ATRN: variants seen among roughly 807,000 people sequenced by gnomAD.
ATRN encodes attractin-2.
Under a neutral mutation model 178.7 loss-of-function variants are expected in ATRN, and 54 were observed. The ratio of observed to expected loss-of-function variants is 0.30; its 90% CI spans 0.24 to 0.38. ATRN has a LOEUF of 0.38. Ranked by LOEUF, ATRN falls within the 10% of genes least tolerant of loss-of-function variation. The pLI is 1.00. For synonymous variants in ATRN, 636 were observed against 663.0 expected, an observed-to-expected ratio of 0.96 and a Z score of 0.63; for missense variants, 1,443 against 1,815.1, an observed-to-expected ratio of 0.79 and a Z score of 3.73.
chr20:3,571,658 A>T (rs369518703), intron 11 of ATRN, among the ~76,000 whole-genome samples: 2 of 151,614 alleles, frequency 1.3e-5, no homozygotes, highest in Admixed American at 6.6e-5. Context: ...GCATCTTCTC[A>T]TATGTTTAAG....
intron 13 of ATRN, among the ~76,000 whole-genome samples, chr20:3,576,406 G>A (rs2086209533): frequency 6.6e-6 from 1 of 151,984 alleles, no homozygotes; most frequent in Non-Finnish European, 1.5e-5. Flanking sequence ...TTAAATTTAA[G>A]TTATAAGATG....
At chr20:3,539,137 TG>T (rs1054050997) in intron 2 of ATRN, among the ~76,000 whole-genome samples, 5 of 152,094 alleles carry the variant, frequency 3.3e-5, no homozygotes, top group African/African-American at 9.7e-5. Context: ...TAGAAAAGTG[TG>T]GGGTATAGGA....
At position 3,576,852 on chromosome 20, in the gene ATRN, G is replaced by A. The variant is rs1178372207; in HGVS notation, c.2215-7G>A. The A allele has an allele frequency of 6.2e-7, 1 of 1,613,928 alleles. No individual in the cohort carries two copies. ...CAAAAGAAAAGCTTTTGTCCACTGT[G>A]TTCTAGATCTCCATTTTTAGGTATG... On this transcript the variant is annotated splice_polypyrimidine_tract_variant and splice_region_variant and intron_variant, in intron 13 of 28. Coordinates refer to ENST00000262919, the MANE Select transcript of ATRN (RefSeq NM_139321.3).
chr20:3,491,022 C>A lies in ATRN; in HGVS notation c.410+19505C>A, dbSNP rs1348743009. 3.0e-6 allele frequency: 4 copies of A among 1,322,380 alleles called. No individual in the cohort carries two copies. The East Asian group carries it at 6.9e-5, about 23-fold the overall frequency. The allele number at this position is 1,322,380 out of a possible 1,614,324, so 81.9% of individuals were successfully genotyped here. On this transcript the variant is annotated intron_variant, in intron 1 of 28. Transcript: ENST00000262919. ...TGTCTCCATCTTCCTTTAGCCGCAG[C>A]CTCTCTTAAAAATTTTATGATTAGT...
chr20:3,580,637 A>T (rs462238), intron 15 of ATRN, among the ~76,000 whole-genome samples: 1 of 151,538 alleles, frequency 6.6e-6, no homozygotes, highest in East Asian at 1.9e-4. Context: ...GCTTTCTGTG[A>T]TTTAATTAGT....
rs973249695 is a variant in ATRN, at chr20:3,638,605, G to C, written c.3943-223G>C. Among the ~76,000 whole-genome samples, 1 of 152,162 alleles carries C rather than the reference G, an allele frequency of 6.6e-6. No individual in the cohort carries two copies. Among genetic ancestry groups the C allele is most frequent in the East Asian group, 1.9e-4 (1 of 5,200 alleles). On this transcript the variant is annotated intron_variant, in intron 26 of 28. Transcript: ENST00000262919. The surrounding 1 kb of genome is among the most constrained non-coding windows in gnomAD (Gnocchi z 4.5). ...TGCAATAAACATCGTACGTTAATAT[G>C]TATCTCTGACAGGGGCTTTTAAAAA... is the stretch of plus-strand genomic sequence containing the variant.
chr20:3,489,720 C>T, intron 1 of ATRN: 1 of 1,577,410 alleles, frequency 6.3e-7, no homozygotes. Context: ...GTTTGGGATG[C>T]CCAAACACCT....
At chr20:3,619,103 A>G (rs910703715) in intron 24 of ATRN, among the ~76,000 whole-genome samples, 2 of 152,186 alleles carry the variant, frequency 1.3e-5, no homozygotes, top group African/African-American at 4.8e-5. Flanking sequence ...TGCCCAGTAC[A>G]TACATACCTT....
At chr20:3,512,292 G>A (rs1439797811) in intron 1 of ATRN, among the ~76,000 whole-genome samples, 1 of 135,090 alleles carries the variant, frequency 7.4e-6, no homozygotes, top group African/African-American at 2.8e-5. Flanking sequence ...AGGGTGTGAT[G>A]TTCCCCTTCC....
chr20:3,644,315 G>T, intron 28 of ATRN, 47 bp downstream of exon 28: 1 of 1,480,758 alleles, frequency 6.8e-7, no homozygotes. Context: ...GCATGTGAGG[G>T]AGCTAAGCAT....
chr20:3,547,666 G>A (rs189706633), intron 5 of ATRN, among the ~76,000 whole-genome samples, 177 bp downstream of exon 5: 3 of 152,132 alleles, frequency 2.0e-5, no homozygotes, highest in Admixed American at 6.5e-5. Flanking sequence ...TTTCATACAT[G>A]TGTGGTCATG....
In ATRN at chr20:3,546,703, T is replaced by C. The variant is rs184869211; in HGVS notation, c.738-581T>C. Among the ~76,000 whole-genome samples the C allele has an allele frequency of 2.5e-3, 383 of 152,220 alleles. 2 individuals are homozygous for C. Among genetic ancestry groups the C allele is most frequent in the African/African-American group, 8.7e-3 (361 of 41,554 alleles). ...ACTGCGCCTGGCCATAGTTCAATTC[T>C]TACATTAAGTTAAACTAGCCTGCCT... On this transcript the variant is annotated intron_variant, in intron 4 of 28. Coordinates refer to ENST00000262919, the MANE Select transcript of ATRN (RefSeq NM_139321.3).
intron 1 of ATRN, among the ~76,000 whole-genome samples, chr20:3,478,984 GCTC>G (rs1299978143): frequency 6.9e-6 from 1 of 144,494 alleles, no homozygotes; most frequent in Admixed American, 7.2e-5. Flanking sequence ...GGAGGGCAGT[GCTC>G]CTGGGCTCAA....
At position 3,584,049 on chromosome 20, in the gene ATRN, G is replaced by A. The variant is rs746973861; in HGVS notation, c.2916G>A (p.Gln972=). Residue 972 remains glutamine (Q), a synonymous_variant, in exon 17 of 29, where the codon CAG becomes CAA. Coordinates refer to ENST00000262919, the MANE Select transcript of ATRN (RefSeq NM_139321.3). ...ACGTGGCCTCCTTCCCTTTTGGCCAGTGTATGGAATGGTATACGATGAGCA... is the reference window on the plus strand; with the variant it reads ...ACGTGGCCTCCTTCCCTTTTGGCCAATGTATGGAATGGTATACGATGAGCA... ...NAYVASFPFG[Q]CMEWYTMSTC... 1.2e-6 allele frequency: 2 copies of A among 1,614,066 alleles called. No individual in the cohort carries two copies. The highest frequency in any genetic ancestry group is 1.7e-6 in the Non-Finnish European group (2 of 1,180,018).
At chr20:3,587,803 A>G (rs768315275) in intron 18 of ATRN, among the ~76,000 whole-genome samples, 51 of 152,052 alleles carry the variant, frequency 3.4e-4, no homozygotes, top group Admixed American at 5.9e-4. Context: ...CATTGAATCT[A>G]CTGACCAATT....
intron 1 of ATRN, among the ~76,000 whole-genome samples, chr20:3,521,349 A>G (rs148259971): frequency 6.6e-6 from 1 of 152,278 alleles, no homozygotes; most frequent in Non-Finnish European, 1.5e-5. Flanking sequence ...GAGAAAAAAA[A>G]AACCCAAAAA....
At chr20:3,489,845 A>T (rs2084759581) in intron 1 of ATRN, 3 of 1,255,518 alleles carry the variant, frequency 2.4e-6, no homozygotes, top group Non-Finnish European at 3.5e-6. Flanking sequence ...CATGAAGCTT[A>T]TATAGCCAGT....
At chr20:3,561,705 T>TA (rs1466769932) in intron 8 of ATRN, among the ~76,000 whole-genome samples, 88 of 152,294 alleles carry the variant, frequency 5.8e-4, no homozygotes, top group Admixed American at 5.7e-3. Context: ...CCAAAGGTTG[T>TA]AGGGAATTAA....
chr20:3,643,266 C>G (rs889506828), intron 27 of ATRN, among the ~76,000 whole-genome samples: 2 of 152,248 alleles, frequency 1.3e-5, no homozygotes, highest in African/African-American at 2.4e-5. Flanking sequence ...ACAGACCTGT[C>G]TCTCTCGGCA....
Sources: gnomAD v4.1 joint callset for allele counts (sites outside exome capture counted in the v4.1 genomes callset) on GRCh38, gnomAD v4.1.1 for gene constraint, Gnocchi (gnomAD v3.1) non-coding constraint, MANE v1.5 for transcripts, NCBI Gene and HGNC (gene_info 2026-07-23, HGNC 2026-07-21) for gene names.